The following MIPOL1 variants were observed in gnomAD, a reference collection of about 807,000 sequenced individuals.
MIPOL1 encodes the protein mirror-image polydactyly 1.
MIPOL1 carries 57 observed loss-of-function variants against 60.9 expected under a neutral mutation model. The ratio of observed to expected loss-of-function variants is 0.94; its 90% confidence interval spans 0.76 to 1.17. The LOEUF is 1.17. Ranked by LOEUF, MIPOL1 falls within the 50% of genes most tolerant of loss-of-function variation. The pLI, the probability that MIPOL1 is intolerant of heterozygous loss-of-function variation, is 0.00. For synonymous variants in MIPOL1, 179 were observed against 168.8 expected (o/e 1.06, Z -0.47); for missense variants, 551 against 511.6 (o/e 1.08, Z -0.74).
At chr14:37,273,146 G>T (rs908895254) in intron 6 of MIPOL1, among the ~76,000 whole-genome samples, 3 of 150,716 alleles carry the variant, frequency 2.0e-5, no homozygotes, top group Non-Finnish European at 4.5e-5. Flanking sequence ...AATATTTGAG[G>T]ATATGAGAAA....
intron 6 of MIPOL1, among the ~76,000 whole-genome samples, chr14:37,272,812 A>T (rs1415498219): frequency 1.3e-5 from 2 of 151,648 alleles, no homozygotes; most frequent in Non-Finnish European, 3.0e-5. Flanking sequence ...AACGTAGTTA[A>T]GCAGAATATA....
chr14:37,524,559 C>CTTTTT (rs1171387928), intron 12 of MIPOL1, among the ~76,000 whole-genome samples: 7 of 18,500 alleles, frequency 3.8e-4, no homozygotes, highest in African/African-American at 7.8e-4. Context: ...CTTAATTTTT[C>CTTTTT]TTTTTCTTTT....
At chr14:37,369,689 C>A in intron 10 of MIPOL1, 65 bp downstream of exon 10, 2 of 1,185,792 alleles carry the variant, frequency 1.7e-6, no homozygotes, top group South Asian at 1.3e-5. Context: ...GCTTTCTGTG[C>A]TGCATATATC....
intron 12 of MIPOL1, among the ~76,000 whole-genome samples, chr14:37,539,924 G>A (rs974532777): frequency 1.3e-5 from 2 of 152,282 alleles, no homozygotes; most frequent in African/African-American, 4.8e-5. Context: ...ATTGAACCAT[G>A]GGAGCAGTTT....
intron 3 of MIPOL1, among the ~76,000 whole-genome samples, chr14:37,263,750 G>T (rs1567195157): frequency 6.6e-6 from 1 of 152,186 alleles, no homozygotes; most frequent in Admixed American, 6.5e-5. Flanking sequence ...CATAATGTTA[G>T]AAGAGTTAAC....
At chr14:37,522,003 T>G (rs2095417666) in intron 12 of MIPOL1, among the ~76,000 whole-genome samples, 1 of 151,408 alleles carries the variant, frequency 6.6e-6, no homozygotes. Context: ...TACAAAATTT[T>G]TACATGATGC....
chr14:37,376,079 A>T (rs1316367275), intron 10 of MIPOL1, among the ~76,000 whole-genome samples: 3 of 152,150 alleles, frequency 2.0e-5, no homozygotes, highest in Admixed American at 6.6e-5. Context: ...TGTAAAACAC[A>T]GAGTTTCCAT....
chr14:37,487,745 T>C (rs1179127369), intron 11 of MIPOL1, among the ~76,000 whole-genome samples: 1 of 152,218 alleles, frequency 6.6e-6, no homozygotes, highest in Non-Finnish European at 1.5e-5. Flanking sequence ...TTTATTAGTC[T>C]GGCTAGCGGT....
chr14:37,237,839 G>C (rs896463634), intron 1 of MIPOL1, among the ~76,000 whole-genome samples: 1 of 152,132 alleles, frequency 6.6e-6, no homozygotes, highest in Admixed American at 6.6e-5. Context: ...TCTAACCCTT[G>C]AGCCAGTTTG....
intron 9 of MIPOL1, among the ~76,000 whole-genome samples, chr14:37,331,636 G>T (rs2089698612): frequency 6.6e-6 from 1 of 150,684 alleles, no homozygotes; most frequent in South Asian, 2.1e-4. Flanking sequence ...CAACTTTACT[G>T]AATTCATTTA....
chr14:37,308,529 C>T lies in MIPOL1; in HGVS notation c.828+10C>T. The T allele has an allele frequency of 6.5e-7, 1 of 1,534,844 alleles. No individual in the cohort carries two copies. The highest frequency in any genetic ancestry group is 1.3e-5 in the South Asian group (1 of 76,082). On this transcript the variant is annotated intron_variant, in intron 9 of 12. Coordinates refer to ENST00000684589, the MANE Select transcript of MIPOL1 (RefSeq NM_001388067.1). The stretch of plus-strand genomic sequence containing the variant: ...TGCTGCCTTGTCTAAGGTAACTCTG[C>T]ATATATCTGTAAAAGCATATACTTA...
At chr14:37,521,080 A>G (rs1449619735) in intron 12 of MIPOL1, among the ~76,000 whole-genome samples, 2 of 151,336 alleles carry the variant, frequency 1.3e-5, no homozygotes, top group Non-Finnish European at 3.0e-5. Context: ...GGGATTACAG[A>G]CACCAGCCAC....
intron 1 of MIPOL1, among the ~76,000 whole-genome samples, chr14:37,225,883 G>A (rs896156065): frequency 2.0e-5 from 3 of 152,052 alleles, no homozygotes; most frequent in Admixed American, 1.3e-4. Context: ...GTCACCTCTC[G>A]AATGCTTTGC....
intron 7 of MIPOL1, among the ~76,000 whole-genome samples, chr14:37,300,180 C>G (rs1168245041): frequency 6.6e-6 from 1 of 150,904 alleles, no homozygotes; most frequent in Non-Finnish European, 1.5e-5. Context: ...TTTGTTCATA[C>G]TCTACTCTTT....
intron 9 of MIPOL1, among the ~76,000 whole-genome samples, chr14:37,333,893 C>T (rs947187050): frequency 2.6e-5 from 4 of 151,940 alleles, no homozygotes; most frequent in African/African-American, 9.7e-5. Flanking sequence ...GAAATACAGT[C>T]GTCTCAAGTT....
At chr14:37,429,701 AT>A (rs1230939016) in intron 11 of MIPOL1, among the ~76,000 whole-genome samples, 2 of 151,870 alleles carry the variant, frequency 1.3e-5, no homozygotes, top group African/African-American at 4.8e-5. Context: ...AAAATTCTTT[AT>A]TTTTTTCTAT....
chr14:37,393,001 A>G (rs1267198814), intron 10 of MIPOL1, among the ~76,000 whole-genome samples: 1 of 152,120 alleles, frequency 6.6e-6, no homozygotes, highest in Non-Finnish European at 1.5e-5. Context: ...GGATTAGGGT[A>G]CCACCTAATC....
At chr14:37,516,250 A>G (rs536797418) in intron 12 of MIPOL1, among the ~76,000 whole-genome samples, 1 of 152,278 alleles carries the variant, frequency 6.6e-6, no homozygotes, top group African/African-American at 2.4e-5. Context: ...AAAGGATGAA[A>G]AGAGTACCTT....
At chr14:37,294,189 A>G (rs1382202626) in intron 7 of MIPOL1, among the ~76,000 whole-genome samples, 1 of 152,190 alleles carries the variant, frequency 6.6e-6, no homozygotes, top group East Asian at 1.9e-4. Flanking sequence ...GCTGATACCC[A>G]GGCAAACAGG....
Sources: gnomAD v4.1 joint callset for allele counts (sites outside exome capture counted in the v4.1 genomes callset) on GRCh38, gnomAD v4.1.1 for gene constraint, MANE v1.5 for transcripts, NCBI Gene and HGNC (gene_info 2026-07-23, HGNC 2026-07-21) for gene names.